CDH7: variants seen among roughly 807,000 people sequenced by gnomAD.
CDH7 encodes cadherin 7, also known as cadherin-7.
CDH7 carries 25 observed loss-of-function variants against 71.8 expected under a neutral mutation model. That is an observed-to-expected ratio of 0.35 (90% confidence interval 0.25 to 0.49). CDH7 has a LOEUF of 0.49. Ranked by LOEUF, CDH7 falls within the 20% of genes least tolerant of loss-of-function variation. The pLI is 0.99. For missense variants in CDH7, 862 were observed against 974.6 expected (o/e 0.88, Z 1.54); for synonymous variants, 381 against 363.8 (o/e 1.05, Z -0.54).
chr18:65,849,034 A>G (rs1400075110), intron 7 of CDH7, among the ~76,000 whole-genome samples: 1 of 152,140 alleles, frequency 6.6e-6, no homozygotes, highest in Non-Finnish European at 1.5e-5. Context: ...GTGAATATCT[A>G]TTTTATTCTA....
chr18:65,781,765 T>TC, intron 2 of CDH7, among the ~76,000 whole-genome samples: 1 of 41,814 alleles, frequency 2.4e-5, no homozygotes, highest in Non-Finnish European at 3.7e-5. Context: ...TTTCTTTCTT[T>TC]CTTTCCTTCC....
chr18:65,787,415 T>A (rs1910555679), intron 2 of CDH7, among the ~76,000 whole-genome samples: 1 of 152,202 alleles, frequency 6.6e-6, no homozygotes, highest in South Asian at 2.1e-4. Context: ...AAGGATTTAT[T>A]GAGCGTTTGC....
chr18:65,874,274 T>G (rs1914008943), intron 11 of CDH7, among the ~76,000 whole-genome samples: 1 of 152,198 alleles, frequency 6.6e-6, no homozygotes, highest in Admixed American at 6.5e-5. Context: ...TTAAAAAACT[T>G]TCTTTACAGA....
intron 3 of CDH7, among the ~76,000 whole-genome samples, chr18:65,811,002 GT>G (rs1487664373): frequency 6.6e-6 from 1 of 151,972 alleles, no homozygotes; most frequent in Non-Finnish European, 1.5e-5. Context: ...TTTTGGAATA[GT>G]TTACAGCAAG....
intron 6 of CDH7, among the ~76,000 whole-genome samples, chr18:65,826,306 CTT>C (rs1912129929): frequency 6.6e-6 from 1 of 151,042 alleles, no homozygotes; most frequent in African/African-American, 2.4e-5. Context: ...ATCTGTCAGG[CTT>C]TTCTTTTTGA....
intron 2 of CDH7, among the ~76,000 whole-genome samples, chr18:65,790,389 C>T (rs1303027569): frequency 6.6e-6 from 1 of 151,946 alleles, no homozygotes; most frequent in East Asian, 1.9e-4. Flanking sequence ...GAAGAGTAGA[C>T]TGTAAGCTTG....
intron 7 of CDH7, among the ~76,000 whole-genome samples, chr18:65,852,766 A>G (rs892043201): frequency 6.6e-6 from 1 of 152,192 alleles, no homozygotes; most frequent in Non-Finnish European, 1.5e-5. Flanking sequence ...CTTAACAAGA[A>G]GTAAGAGAAA....
At chr18:65,795,583 C>T (rs893712303) in intron 2 of CDH7, among the ~76,000 whole-genome samples, 1 of 152,048 alleles carries the variant, frequency 6.6e-6, no homozygotes, top group African/African-American at 2.4e-5. Flanking sequence ...AAATGAAGAG[C>T]AAATGAACAC....
At chr18:65,859,928 G>C (rs2144032738) in intron 10 of CDH7, 103 bp downstream of exon 10, 1 of 691,206 alleles carries the variant, frequency 1.4e-6, no homozygotes, top group South Asian at 1.7e-5. Context: ...TTTAAAGCAA[G>C]GACAATAATT....
intron 7 of CDH7, among the ~76,000 whole-genome samples, chr18:65,850,649 C>T (rs940975329): frequency 4.6e-5 from 7 of 151,368 alleles, no homozygotes; most frequent in African/African-American, 1.7e-4. Flanking sequence ...CGTCTCTTCT[C>T]CAAAACATTC....
In CDH7 at chr18:65,883,826, A is replaced by G. The variant is rs1029581606; in HGVS notation, c.*2932A>G. 2 of 152,158 alleles carry G rather than the reference A, an allele frequency of 1.3e-5. No homozygotes were observed. Among genetic ancestry groups the G allele is most frequent in the Non-Finnish European group, 1.5e-5 (1 of 67,982 alleles). The allele number at this position is 152,158 out of a possible 1,614,324, so 9.4% of individuals were successfully genotyped here. A position where few individuals can be genotyped will look rare whatever the true frequency, so the allele number is the denominator to read the frequency against. On this transcript the variant is annotated 3_prime_UTR_variant, in exon 12 of 12. Transcript: ENST00000397968. The stretch of plus-strand genomic sequence containing the variant: ...TAATGACATGAAAGGAATTTATGCT[A>G]TATTTTACTACTAAATAACAATGTA...
intron 11 of CDH7, among the ~76,000 whole-genome samples, chr18:65,877,405 A>G (rs1182090938): frequency 1.3e-5 from 2 of 152,016 alleles, no homozygotes; most frequent in African/African-American, 4.8e-5. Context: ...TATACTATAT[A>G]TAGCAATATA....
intron 3 of CDH7, among the ~76,000 whole-genome samples, chr18:65,813,746 G>A (rs142829517): frequency 6.6e-6 from 1 of 152,130 alleles, no homozygotes. Context: ...AAGGAAAACA[G>A]ATCAGAAGAA....
At chr18:65,844,681 C>T (rs1387135061) in intron 7 of CDH7, among the ~76,000 whole-genome samples, 2 of 151,982 alleles carry the variant, frequency 1.3e-5, no homozygotes, top group Non-Finnish European at 2.9e-5. Context: ...AATATGTCAA[C>T]ATTACATTTT....
chr18:65,866,063 G>A lies in CDH7; in HGVS notation c.1864+3146G>A, dbSNP rs1599062453. 2 of 8,846 alleles carry A rather than the reference G, an allele frequency of 2.3e-4. 1 individual carries two copies. The highest frequency in any genetic ancestry group is 6.5e-4 in the African/African-American group (2 of 3,058). 0.5% of individuals were successfully genotyped at this position (8,846 alleles called of 1,614,324 possible). On this transcript the variant is annotated intron_variant, in intron 11 of 11. Transcript: ENST00000397968. ...GCCTGTAATCCCAGCACTTTGGGAG[G>A]CCGAGGCGGGCGGATCACGAGGTCA...
At chr18:65,867,970 G>C (rs1239412825) in intron 11 of CDH7, among the ~76,000 whole-genome samples, 1 of 152,068 alleles carries the variant, frequency 6.6e-6, no homozygotes, top group African/African-American at 2.4e-5. Context: ...ACTATATTTG[G>C]CCACCAGTAA....
At chr18:65,821,196 TTA>T (rs1244755281) in intron 4 of CDH7, among the ~76,000 whole-genome samples, 1 of 151,880 alleles carries the variant, frequency 6.6e-6, no homozygotes, top group African/African-American at 2.4e-5. Flanking sequence ...CAAAGATTGT[TTA>T]TGTTTGGTGA....
intron 7 of CDH7, among the ~76,000 whole-genome samples, chr18:65,853,047 C>T (rs74383540): frequency 5.9e-5 from 9 of 152,054 alleles, no homozygotes; most frequent in Admixed American, 1.3e-4. Context: ...GAGCTGTCAG[C>T]ATAATAAGTG....
intron 2 of CDH7, among the ~76,000 whole-genome samples, chr18:65,765,589 AG>A (rs1916335245): frequency 6.6e-6 from 1 of 152,098 alleles, no homozygotes; most frequent in African/African-American, 2.4e-5. Context: ...AAAGAAAAAA[AG>A]AACCTAATTA....
Sources: gnomAD v4.1 joint callset for allele counts (sites outside exome capture counted in the v4.1 genomes callset) on GRCh38, gnomAD v4.1.1 for gene constraint, MANE v1.5 for transcripts, NCBI Gene and HGNC (gene_info 2026-07-23, HGNC 2026-07-21) for gene names.